Variants in ZNF385D observed in about 807,000 individuals in gnomAD.
The protein encoded by ZNF385D is zinc finger protein 659.
Under a neutral mutation model 35.8 loss-of-function variants are expected in ZNF385D, and 15 were observed. The observed-to-expected ratio is 0.42, with a 90% CI of 0.28 to 0.64. The LOEUF is 0.64. Ranked by LOEUF, ZNF385D falls within the 30% of genes least tolerant of loss-of-function variation. The pLI is 0.23. For missense variants in ZNF385D, 474 were observed against 494.6 expected (o/e 0.96, Z 0.39); for synonymous variants, 212 against 186.8 (o/e 1.13, Z -1.10).
intron 2 of ZNF385D, among the ~76,000 whole-genome samples, chr3:21,658,585 A>G (rs1162035021): frequency 7.0e-6 from 1 of 142,480 alleles, no homozygotes; most frequent in Non-Finnish European, 1.6e-5. Context: ...TTACCTATCT[A>G]CCTATATATC....
chr3:22,146,975 C>A (rs555317359), intron 3 of ZNF385D, among the ~76,000 whole-genome samples: 2 of 152,166 alleles, frequency 1.3e-5, no homozygotes, highest in Admixed American at 1.3e-4. Context: ...TAACAGTAAG[C>A]TAATCAAACG....
chr3:22,196,954 T>C (rs1246737652), intron 2 of ZNF385D, among the ~76,000 whole-genome samples: 2 of 152,052 alleles, frequency 1.3e-5, no homozygotes, highest in Non-Finnish European at 2.9e-5. Flanking sequence ...GTTACTTTTA[T>C]TTTTGAAGGA....
At chr3:21,951,059 T>C (rs1173395723) in intron 3 of ZNF385D, among the ~76,000 whole-genome samples, 4 of 151,716 alleles carry the variant, frequency 2.6e-5, no homozygotes. Context: ...AAACTTAAAG[T>C]AGTTTTTTTC....
At chr3:21,427,125 A>G (rs1314354767) in intron 5 of ZNF385D, among the ~76,000 whole-genome samples, 4 of 152,220 alleles carry the variant, frequency 2.6e-5, no homozygotes, top group African/African-American at 9.6e-5. Flanking sequence ...TATAGTGAGC[A>G]CAAATGCTTT....
At chr3:22,364,361 A>G (rs757614967) in intron 2 of ZNF385D, among the ~76,000 whole-genome samples, 11 of 152,084 alleles carry the variant, frequency 7.2e-5, no homozygotes, top group Non-Finnish European at 1.2e-4. Context: ...CATATATCAG[A>G]TTAAGGATTA....
chr3:22,037,373 G>C (rs1209452604), intron 3 of ZNF385D, among the ~76,000 whole-genome samples: 1 of 151,520 alleles, frequency 6.6e-6, no homozygotes. Flanking sequence ...TCCAGCACCT[G>C]TTGTTTCCTG....
chr3:22,229,860 G>A (rs1337105536), intron 2 of ZNF385D, among the ~76,000 whole-genome samples: 1 of 152,076 alleles, frequency 6.6e-6, no homozygotes, highest in Non-Finnish European at 1.5e-5. Context: ...AGTCACCATT[G>A]GTTTAGCCCC....
intron 3 of ZNF385D, among the ~76,000 whole-genome samples, chr3:22,101,086 A>T (rs1013308651): frequency 6.6e-6 from 1 of 151,970 alleles, no homozygotes; most frequent in Non-Finnish European, 1.5e-5. Flanking sequence ...ACTTAGAGAA[A>T]ATGAGATTTT....
At chr3:22,260,268 C>T (rs1487984009) in intron 2 of ZNF385D, among the ~76,000 whole-genome samples, 2 of 151,878 alleles carry the variant, frequency 1.3e-5, no homozygotes, top group African/African-American at 2.4e-5. Context: ...TGTTCTCACT[C>T]ATAAGTGGGA....
At chr3:21,466,381 TTA>T (rs1703517375) in intron 4 of ZNF385D, among the ~76,000 whole-genome samples, 1 of 152,206 alleles carries the variant, frequency 6.6e-6, no homozygotes, top group Non-Finnish European at 1.5e-5. Context: ...ACTTCAAATG[TTA>T]TGTTACTTTG....
At chr3:21,585,039 A>G (rs1360964441) in intron 2 of ZNF385D, among the ~76,000 whole-genome samples, 1 of 126,846 alleles carries the variant, frequency 7.9e-6, no homozygotes, top group Non-Finnish European at 1.6e-5. Flanking sequence ...AGTTTGAAAT[A>G]TAACGAATCT....
At chr3:21,575,932 G>C (rs1575227112) in intron 2 of ZNF385D, among the ~76,000 whole-genome samples, 1 of 152,110 alleles carries the variant, frequency 6.6e-6, no homozygotes, top group Non-Finnish European at 1.5e-5. Context: ...ATTAACAATA[G>C]CAGTGGGAAA....
intron 3 of ZNF385D, among the ~76,000 whole-genome samples, chr3:21,781,335 T>C (rs2071481664): frequency 1.3e-5 from 2 of 152,066 alleles, no homozygotes; most frequent in Admixed American, 1.3e-4. Context: ...GGACCTTCCA[T>C]ACCCTTCCAT....
rs1480231119 is a variant in ZNF385D, at chr3:21,694,053, T to C, written c.23-29025A>G. On this transcript the variant is annotated intron_variant, in intron 1 of 7. Transcript: ENST00000281523. Reference sequence around the variant, plus strand: ...GCCACTACGCCTGGCTTTTTTTTTTTTTTTTTTTGAGACAGAGTCTCGCTC... The same window carrying C: ...GCCACTACGCCTGGCTTTTTTTTTTCTTTTTTTTGAGACAGAGTCTCGCTC... Among the ~76,000 whole-genome samples the C allele has an allele frequency of 4.2e-5, 4 of 96,280 alleles. 1 individual carries two copies. The highest frequency in any genetic ancestry group is 8.5e-5 in the Non-Finnish European group (4 of 46,878). The allele number at this position is 96,280 out of a possible 152,430, so 63.2% of individuals were successfully genotyped here. A position where few individuals can be genotyped will look rare whatever the true frequency, so the allele number is the denominator to read the frequency against.
chr3:21,446,367 T>C (rs1459142747), intron 4 of ZNF385D, among the ~76,000 whole-genome samples: 1 of 152,108 alleles, frequency 6.6e-6, no homozygotes, highest in African/African-American at 2.4e-5. Context: ...GACATGGGAC[T>C]TTCAGTGCTA....
At chr3:21,904,866 C>A (rs1286804993) in intron 3 of ZNF385D, among the ~76,000 whole-genome samples, 3 of 152,004 alleles carry the variant, frequency 2.0e-5, no homozygotes, top group Non-Finnish European at 2.9e-5. Flanking sequence ...TTGAGACACA[C>A]AACAGACTCT....
chr3:22,256,166 TATATAC>T lies in ZNF385D; in HGVS notation c.107-87137_107-87132del, dbSNP rs139281179. 9.4e-3 allele frequency among the ~76,000 whole-genome samples: 1,420 copies of T among 151,192 alleles called. 13 individuals are homozygous for T. Among genetic ancestry groups the T allele is most frequent in the African/African-American group, 0.021 (867 of 41,206 alleles). On this transcript the variant is annotated intron_variant, in intron 2 of 5. Transcript: ENST00000494108. ...CTGGCTCTCCTTGTTCGTCAGCATATATATACATATACATATACATATACATACACA... is the reference window on the plus strand; with the variant it reads ...CTGGCTCTCCTTGTTCGTCAGCATATATATACATATACATATACATACACA...
chr3:22,043,856 T>C (rs1237925869), intron 3 of ZNF385D, among the ~76,000 whole-genome samples: 1 of 152,140 alleles, frequency 6.6e-6, no homozygotes, highest in Non-Finnish European at 1.5e-5. Context: ...CATGCTTGCT[T>C]TGATAAGGCT....
intron 2 of ZNF385D, among the ~76,000 whole-genome samples, chr3:21,618,634 G>A (rs541005673): frequency 3.3e-5 from 5 of 152,106 alleles, no homozygotes; most frequent in Admixed American, 6.6e-5. Flanking sequence ...TTTAAAATAT[G>A]AAGTGACATA....
Sources: gnomAD v4.1 joint callset for allele counts (sites outside exome capture counted in the v4.1 genomes callset) on GRCh38, gnomAD v4.1.1 for gene constraint, MANE v1.5 for transcripts, NCBI Gene and HGNC (gene_info 2026-07-23, HGNC 2026-07-21) for gene names.